ZNF717: variants seen among roughly 807,000 people sequenced by gnomAD.
The protein encoded by ZNF717 is krueppel-like factor X17.
ZNF717 carries 9 observed loss-of-function variants against 13.8 expected under a neutral mutation model. That is an observed-to-expected ratio of 0.65 (90% CI 0.39 to 1.14). The LOEUF (loss-of-function observed/expected upper bound fraction) is 1.14, where lower values mean the gene tolerates loss of function less well. Ranked by LOEUF, ZNF717 falls within the 50% of genes most tolerant of loss-of-function variation. The pLI, the probability that ZNF717 is intolerant of heterozygous loss-of-function variation, is 0.01. For synonymous variants in ZNF717, 327 were observed against 364.1 expected, an observed-to-expected ratio of 0.90 and a Z score of 1.16; for missense variants, 1,040 against 1,080.7, an observed-to-expected ratio of 0.96 and a Z score of 0.53.
downstream of ZNF717, among the ~76,000 whole-genome samples, chr3:75,731,095 G>C (rs1382739129): frequency 1.4e-4 from 22 of 151,758 alleles, no homozygotes; most frequent in Middle Eastern, 3.4e-3. Flanking sequence ...ACAAAAATTA[G>C]GCTGGGCATG....
chr3:75,695,943 C>T (rs1575756276), intron 6 of ZNF717, among the ~76,000 whole-genome samples: 1 of 149,246 alleles, frequency 6.7e-6, no homozygotes, highest in East Asian at 2.0e-4. Flanking sequence ...AAGCCAAATC[C>T]AAAATTAGAA....
intron 2 of ZNF717, among the ~76,000 whole-genome samples, chr3:75,745,153 G>GT (rs765947465): frequency 0.36 from 42,836 of 117,896 alleles, 7,369 homozygotes; most frequent in East Asian, 0.59. Context: ...GCTGTGGTCT[G>GT]TTGTTTTTTT....
intron 2 of ZNF717, among the ~76,000 whole-genome samples, chr3:75,742,860 T>C (rs73843037): frequency 6.6e-6 from 1 of 152,268 alleles, no homozygotes; most frequent in African/African-American, 2.4e-5. Flanking sequence ...TTATATAAAC[T>C]ATTCTCATAT....
Position 75,737,720 on chromosome 3 carries a change from T to A in ZNF717, c.1903A>T (p.Ser635Cys). ...CCTGTGTGAGTTCCCTGATGGGTGC[T>A]GAGATTTGACTTCTGACGAAAGGTT... ...GKTFRQKSNL[S>C]THQGTHTGEK... Residue 635 changes from serine to cysteine, a missense_variant, in exon 5 of 5, where the codon AGC becomes TGC. Physicochemically the swap from Ser to Cys is moderately radical, Grantham distance 112. This residue lies in a region of ZNF717 where 873 missense variants were observed against 832.8 expected (regional missense o/e 1.05). Transcript: ENST00000652011. 1 of 1,545,724 alleles carries A rather than the reference T, an allele frequency of 6.5e-7. No homozygotes were observed. The highest frequency in any genetic ancestry group is 1.4e-5 in the African/African-American group (1 of 73,008).
intron 2 of ZNF717, among the ~76,000 whole-genome samples, chr3:75,755,942 G>A (rs1450096171): frequency 6.6e-6 from 1 of 152,260 alleles, no homozygotes; most frequent in Non-Finnish European, 1.5e-5. Flanking sequence ...GACAGAGATT[G>A]TCAGAGTCTA....
At chr3:75,778,322 C>T (rs1265560860) in intron 2 of ZNF717, among the ~76,000 whole-genome samples, 11 of 147,618 alleles carry the variant, frequency 7.5e-5, no homozygotes, top group Admixed American at 6.1e-4. Context: ...CTGCTAAAAC[C>T]GGAACCCAAA....
downstream of ZNF717, among the ~76,000 whole-genome samples, chr3:75,732,450 G>A (rs1428100452): frequency 6.6e-6 from 1 of 152,244 alleles, no homozygotes; most frequent in Non-Finnish European, 1.5e-5. Flanking sequence ...AAATGTGCCT[G>A]TTGAAACCGA....
downstream of ZNF717, among the ~76,000 whole-genome samples, chr3:75,708,987 C>CT (rs1479341769): frequency 1.6e-5 from 2 of 127,488 alleles, no homozygotes; most frequent in Non-Finnish European, 3.3e-5. Context: ...CACATCTTTT[C>CT]TTTTTTTTCT....
Position 75,738,941 on chromosome 3 carries a change from T to C in ZNF717, c.682A>G (p.Lys228Glu), listed in dbSNP as rs758507558. ...AAGGTCTGTACTATATGAACCCTCTTATGTATAAAGAACATTGCCTCCGTG... is the reference window on the plus strand; with the variant it reads ...AAGGTCTGTACTATATGAACCCTCTCATGTATAAAGAACATTGCCTCCGTG... The part of the protein sequence containing the change: ...FNTEAMFFIH[K>E]RVHIVQTFGK... Residue 228 changes from lysine to glutamate, a missense_variant, in exon 5 of 5, where the codon AAG becomes GAG. By Grantham distance (56) the Lys-to-Glu change is moderately conservative. Coordinates refer to ENST00000652011, the MANE Select transcript of ZNF717 (RefSeq NM_001290208.3). 360 of 1,551,430 alleles carry C rather than the reference T, an allele frequency of 2.3e-4. No individual in the cohort carries two copies. The highest frequency in any genetic ancestry group is 3.0e-4 in the Non-Finnish European group (347 of 1,146,952).
chr3:75,765,035 A>ATATGTG (rs1559662069), intron 2 of ZNF717, among the ~76,000 whole-genome samples: 2 of 81,806 alleles, frequency 2.4e-5, no homozygotes, highest in Middle Eastern at 6.3e-3. Context: ...ATATATGTAT[A>ATATGTG]TGTGTGTGTG....
In ZNF717 at chr3:75,773,170, G is replaced by A. The variant is rs563230923; in HGVS notation, c.57+10136C>T. 2.0e-5 allele frequency among the ~76,000 whole-genome samples: 3 copies of A among 151,980 alleles called. No individual in the cohort carries two copies. The East Asian group carries it at 5.8e-4, about 29-fold the overall frequency. ...AGGGATTTTTGTGTTCTACCCCATT[G>A]TTTCATTTTTCTCGCATGCTTAGGT... On this transcript the variant is annotated intron_variant, in intron 2 of 4. Coordinates refer to ENST00000652011, the MANE Select transcript of ZNF717 (RefSeq NM_001290208.3).
intron 4 of ZNF717, among the ~76,000 whole-genome samples, chr3:75,717,478 G>A (rs1938079098): frequency 6.6e-6 from 1 of 152,230 alleles, no homozygotes; most frequent in Non-Finnish European, 1.5e-5. Context: ...GAGGATGAAT[G>A]AATGGAAAGA....
chr3:75,735,092 TG>T (rs1240866731), downstream of ZNF717, among the ~76,000 whole-genome samples: 1 of 152,200 alleles, frequency 6.6e-6, no homozygotes, highest in Non-Finnish European at 1.5e-5. Flanking sequence ...CCCAAAGTGT[TG>T]GGATTACAGG....
chr3:75,749,919 G>C (rs1166587132), intron 2 of ZNF717, among the ~76,000 whole-genome samples: 1 of 148,762 alleles, frequency 6.7e-6, no homozygotes, highest in Non-Finnish European at 1.5e-5. Flanking sequence ...GTTGGGTTCT[G>C]AGGGTTTGTC....
intron 2 of ZNF717, among the ~76,000 whole-genome samples, chr3:75,742,334 A>C (rs1229310717): frequency 1.2e-4 from 17 of 146,572 alleles, no homozygotes; most frequent in African/African-American, 3.9e-4. Context: ...AAAAAAAAAA[A>C]AAAAAGAATA....
chr3:75,757,856 T>G (rs1942625825), intron 2 of ZNF717, among the ~76,000 whole-genome samples: 2 of 151,798 alleles, frequency 1.3e-5, no homozygotes, highest in South Asian at 4.2e-4. Context: ...GGCTCACGCC[T>G]GTAATCCCAG....
intron 6 of ZNF717, among the ~76,000 whole-genome samples, chr3:75,702,263 T>C (rs1559566205): frequency 6.6e-6 from 1 of 152,310 alleles, no homozygotes; most frequent in Admixed American, 6.5e-5. Flanking sequence ...GTGGTACATA[T>C]ACACAATGGA....
chr3:75,716,301 T>C (rs1324117507), intron 5 of ZNF717: 3 of 152,116 alleles, frequency 2.0e-5, no homozygotes, highest in East Asian at 1.9e-4. Flanking sequence ...AAACTAGGCA[T>C]GCAGACCAAT....
downstream of ZNF717, among the ~76,000 whole-genome samples, chr3:75,726,877 T>TG (rs75905381): frequency 6.7e-6 from 1 of 148,518 alleles, no homozygotes; most frequent in Non-Finnish European, 1.5e-5. Flanking sequence ...TAAAATGGTA[T>TG]TTTGCATATA....
Sources: gnomAD v4.1 joint callset for allele counts (sites outside exome capture counted in the v4.1 genomes callset) on GRCh38, gnomAD v4.1.1 for gene constraint, gnomAD v4.1.1 regional missense constraint, MANE v1.5 for transcripts, NCBI Gene and HGNC (gene_info 2026-07-23, HGNC 2026-07-21) for gene names.